TGFBR3: variants seen among roughly 807,000 people sequenced by gnomAD.
TGFBR3 encodes the protein transforming growth factor beta receptor type 3.
Under a neutral mutation model 87.9 loss-of-function variants are expected in TGFBR3, and 46 were observed. That is an observed-to-expected ratio of 0.52 (90% CI 0.41 to 0.67). TGFBR3 has a LOEUF of 0.67. Ranked by LOEUF, TGFBR3 falls within the 30% of genes least tolerant of loss-of-function variation. The pLI is 0.00. For missense variants in TGFBR3, 866 were observed against 1,041.9 expected, an observed-to-expected ratio of 0.83 and a Z score of 2.32; for synonymous variants, 381 against 391.6, an observed-to-expected ratio of 0.97 and a Z score of 0.32.
At chr1:91,683,904 T>C (rs780132193) in intron 16 of TGFBR3, 47 bp from the exon 17 acceptor site, 2 of 1,470,406 alleles carry the variant, frequency 1.4e-6, no homozygotes, top group Non-Finnish European at 9.3e-7. Flanking sequence ...ACGCATATTA[T>C]GTATGTGCAT....
At chr1:91,823,093 T>C (rs1302356069) in intron 2 of TGFBR3, among the ~76,000 whole-genome samples, 1 of 152,082 alleles carries the variant, frequency 6.6e-6, no homozygotes, top group South Asian at 2.1e-4. Flanking sequence ...ATGGGAAAGA[T>C]AGGCCAGTGA....
At chr1:91,852,240 T>C (rs1268129617) in intron 2 of TGFBR3, among the ~76,000 whole-genome samples, 1 of 151,636 alleles carries the variant, frequency 6.6e-6, no homozygotes, top group Non-Finnish European at 1.5e-5. Flanking sequence ...AGTGAGACCC[T>C]GTCTCAGGGA....
intron 2 of TGFBR3, among the ~76,000 whole-genome samples, chr1:91,813,915 T>A (rs766646003): frequency 6.6e-5 from 10 of 152,206 alleles, no homozygotes; most frequent in Non-Finnish European, 1.3e-4. Context: ...AGATCCTTCA[T>A]ATGCGCAGTT....
chr1:91,843,907 T>C (rs115088780), intron 2 of TGFBR3, among the ~76,000 whole-genome samples: 2,002 of 152,296 alleles, frequency 0.013, 21 homozygotes, highest in Non-Finnish European at 0.019. Context: ...AGCCCTCAGG[T>C]ATTACCCACA....
At chr1:91,837,086 C>T (rs1040652970) in intron 2 of TGFBR3, among the ~76,000 whole-genome samples, 6 of 151,946 alleles carry the variant, frequency 3.9e-5, no homozygotes, top group Admixed American at 3.3e-4. Flanking sequence ...ATGTTAGTTC[C>T]AAAGTTGGGG....
chr1:91,899,524 C>T (rs980033463), intron 2 of TGFBR3: 7 of 150,934 alleles, frequency 4.6e-5, no homozygotes, highest in East Asian at 2.0e-4. Flanking sequence ...TTCTACTAAT[C>T]ACATTATGCC....
At chr1:91,881,350 A>G (rs1679068432) in intron 1 of TGFBR3, among the ~76,000 whole-genome samples, 1 of 152,234 alleles carries the variant, frequency 6.6e-6, no homozygotes, top group African/African-American at 2.4e-5. Context: ...GTTTGCATGC[A>G]AGAGAGAAAA....
At chr1:91,690,034 G>C (rs1671216923) in intron 16 of TGFBR3, among the ~76,000 whole-genome samples, 1 of 152,044 alleles carries the variant, frequency 6.6e-6, no homozygotes, top group Admixed American at 6.6e-5. Context: ...AAGCTGGTGA[G>C]GAAATGGGTG....
At chr1:91,812,676 C>G (rs4658274) in intron 2 of TGFBR3, among the ~76,000 whole-genome samples, 3 of 151,930 alleles carry the variant, frequency 2.0e-5, no homozygotes, top group Non-Finnish European at 4.4e-5. Flanking sequence ...GCAATGGCAC[C>G]GTCCCAGCTC....
At position 91,681,325 on chromosome 1, in the gene TGFBR3, C is replaced by A. The variant is rs917639230; in HGVS notation, c.*2414G>T. 3 of 444,424 alleles carry A rather than the reference C, an allele frequency of 6.8e-6. No homozygotes were observed. Among genetic ancestry groups the A allele is most frequent in the African/African-American group, 4.1e-5 (2 of 49,360 alleles). 27.5% of individuals were successfully genotyped at this position (444,424 alleles called of 1,614,324 possible). ...TCTCCAATATGAGATTAGGTTTTATCGACACAGATTTCTTGATCTGAATAA... is the reference window on the plus strand; with the variant it reads ...TCTCCAATATGAGATTAGGTTTTATAGACACAGATTTCTTGATCTGAATAA... On this transcript the variant is annotated 3_prime_UTR_variant, in exon 17 of 17. Transcript: ENST00000212355.
At chr1:91,701,313 A>C (rs1160554468) in intron 14 of TGFBR3, among the ~76,000 whole-genome samples, 2 of 152,032 alleles carry the variant, frequency 1.3e-5, no homozygotes, top group Admixed American at 1.3e-4. Flanking sequence ...CTATCCTCGA[A>C]CTTTTCTCTT....
At chr1:91,875,652 C>T (rs1678759251) in intron 1 of TGFBR3, among the ~76,000 whole-genome samples, 1 of 151,836 alleles carries the variant, frequency 6.6e-6, no homozygotes, top group African/African-American at 2.4e-5. Context: ...TTTTGGGAGG[C>T]TGAGGCAGGC....
chr1:91,804,902 C>T (rs1308207639), intron 2 of TGFBR3, among the ~76,000 whole-genome samples: 1 of 152,222 alleles, frequency 6.6e-6, no homozygotes, highest in African/African-American at 2.4e-5. Context: ...TCTGATGATG[C>T]TCCTTATCAG....
intron 2 of TGFBR3, among the ~76,000 whole-genome samples, chr1:91,831,448 A>G (rs1557733969): frequency 6.6e-6 from 1 of 152,050 alleles, no homozygotes; most frequent in Non-Finnish European, 1.5e-5. Context: ...AAGGTTTACC[A>G]TTCCCAGAAA....
intron 6 of TGFBR3, among the ~76,000 whole-genome samples, chr1:91,729,033 TACACACAC>T (rs56158224): frequency 0.04 from 3,597 of 89,544 alleles, 177 homozygotes; most frequent in East Asian, 0.12. Flanking sequence ...CACTCCAGCA[TACACACAC>T]ACACACACAC....
chr1:91,849,830 C>G (rs1235298982), intron 2 of TGFBR3, among the ~76,000 whole-genome samples: 1 of 152,066 alleles, frequency 6.6e-6, no homozygotes, highest in Non-Finnish European at 1.5e-5. Flanking sequence ...CGCCTGTAAT[C>G]CCAGCACTTT....
intron 14 of TGFBR3, among the ~76,000 whole-genome samples, chr1:91,705,306 C>T (rs1421825199): frequency 6.7e-6 from 1 of 149,810 alleles, no homozygotes. Flanking sequence ...CTCACTGCAA[C>T]CTCTGCTTCC....
At chr1:91,746,117 C>A (rs549582930) in intron 4 of TGFBR3, among the ~76,000 whole-genome samples, 1 of 152,146 alleles carries the variant, frequency 6.6e-6, no homozygotes, top group Non-Finnish European at 1.5e-5. Flanking sequence ...TGTTTACACA[C>A]GTCCAAGAGG....
chr1:91,695,432 C>T (rs961485125), intron 16 of TGFBR3: 10 of 496,738 alleles, frequency 2.0e-5, no homozygotes, highest in East Asian at 3.8e-5. Flanking sequence ...GCTTTATTAG[C>T]GGCTAAATTT....
Sources: gnomAD v4.1 joint callset for allele counts (sites outside exome capture counted in the v4.1 genomes callset) on GRCh38, gnomAD v4.1.1 for gene constraint, MANE v1.5 for transcripts, NCBI Gene and HGNC (gene_info 2026-07-23, HGNC 2026-07-21) for gene names.